The following PDE6D variants were observed in gnomAD, a reference collection of about 807,000 sequenced individuals.
PDE6D encodes the protein phosphodiesterase 6D, also known as retinal rod rhodopsin-sensitive cGMP 3',5'-cyclic phosphodiesterase subunit delta.
In PDE6D, 10 loss-of-function variants were observed where a neutral mutation model predicts 21.9. The ratio of observed to expected loss-of-function variants is 0.46; its 90% confidence interval spans 0.28 to 0.78. The LOEUF (loss-of-function observed/expected upper bound fraction) is 0.78. Ranked by LOEUF, PDE6D falls within the 30% of genes least tolerant of loss-of-function variation. PDE6D has a pLI of 0.12. For missense variants in PDE6D, 139 were observed against 184.8 expected (o/e 0.75, Z 1.44); for synonymous variants, 59 against 63.5 (o/e 0.93, Z 0.34).
intron 1 of PDE6D, among the ~76,000 whole-genome samples, chr2:231,774,171 G>T (rs933216836): frequency 1.3e-5 from 2 of 151,996 alleles, no homozygotes; most frequent in African/African-American, 4.8e-5. Context: ...AAACTCAGGT[G>T]ATCCACCCAC....
chr2:231,767,150 T>C (rs772323108), intron 1 of PDE6D, among the ~76,000 whole-genome samples: 9 of 151,878 alleles, frequency 5.9e-5, no homozygotes, highest in Non-Finnish European at 1.2e-4. Context: ...TAAAAAACAA[T>C]CACTAAGGCT....
chr2:231,738,193 T>C (rs1186993044), intron 2 of PDE6D, 55 bp from the exon 3 acceptor site: 5 of 1,526,310 alleles, frequency 3.3e-6, no homozygotes, highest in Non-Finnish European at 4.4e-6. Flanking sequence ...CACAGGACTA[T>C]GATGCTTCAA....
chr2:231,759,885 AG>A (rs1202826893), intron 1 of PDE6D, among the ~76,000 whole-genome samples: 2 of 152,320 alleles, frequency 1.3e-5, no homozygotes, highest in East Asian at 1.9e-4. Context: ...ACTTCCAGGC[AG>A]GCTAGAGACA....
chr2:231,759,058 T>C (rs1375647768), intron 1 of PDE6D, among the ~76,000 whole-genome samples: 1 of 151,952 alleles, frequency 6.6e-6, no homozygotes, highest in African/African-American at 2.4e-5. Flanking sequence ...TGGCTCACGC[T>C]TGTAGTCCCA....
At chr2:231,744,683 T>A (rs967297313) in intron 1 of PDE6D, among the ~76,000 whole-genome samples, 1 of 152,278 alleles carries the variant, frequency 6.6e-6, no homozygotes, top group African/African-American at 2.4e-5. Context: ...TCTGCCTGCC[T>A]CGGCCTCCCA....
chr2:231,776,060 A>G (rs6437036), intron 1 of PDE6D, among the ~76,000 whole-genome samples: 42,774 of 152,036 alleles, frequency 0.28, 6,125 homozygotes, highest in Non-Finnish European at 0.31. Context: ...GACAAATGCT[A>G]GGTGCAGTGG....
rs1008155828 is a variant in PDE6D, at chr2:231,776,321, CAA to C, written c.50+4742_50+4743del. ...GGGTGACAAGAGCAAGACTCCGTCTCAAAAAAAAAAAAAAAAAAAAAAGAGTA... is the reference window on the plus strand; with the variant it reads ...GGGTGACAAGAGCAAGACTCCGTCTCAAAAAAAAAAAAAAAAAAAAGAGTA... On this transcript the variant is annotated intron_variant, in intron 1 of 4. Transcript: ENST00000287600. Among the ~76,000 whole-genome samples the C allele has an allele frequency of 1.9e-4, 10 of 54,048 alleles. No individual in the cohort carries two copies. In the East Asian group the frequency reaches 2.3e-3, roughly 12 times the overall value. The allele number at this position is 54,048 out of a possible 152,430, so 35.5% of individuals were successfully genotyped here. A position where few individuals can be genotyped will look rare whatever the true frequency, so the allele number is the denominator to read the frequency against.
intron 1 of PDE6D, among the ~76,000 whole-genome samples, chr2:231,763,192 T>C (rs1011482680): frequency 6.6e-6 from 1 of 152,194 alleles, no homozygotes; most frequent in African/African-American, 2.4e-5. Context: ...AGAGTATTTA[T>C]TAGTATTTAT....
chr2:231,762,513 G>A (rs994156538), intron 1 of PDE6D, among the ~76,000 whole-genome samples: 1 of 151,622 alleles, frequency 6.6e-6, no homozygotes, highest in Admixed American at 6.6e-5. Flanking sequence ...CCCAGCTAAT[G>A]TTTGTATTTT....
At chr2:231,770,695 G>A (rs2049008041) in intron 1 of PDE6D, among the ~76,000 whole-genome samples, 1 of 152,148 alleles carries the variant, frequency 6.6e-6, no homozygotes, top group African/African-American at 2.4e-5. Flanking sequence ...GCTCACACCT[G>A]TAATCCCAGC....
chr2:231,751,850 T>C (rs554165737), intron 1 of PDE6D, among the ~76,000 whole-genome samples: 2 of 152,318 alleles, frequency 1.3e-5, no homozygotes, highest in South Asian at 2.1e-4. Context: ...GTTTCTTCCA[T>C]TGTGAAGTTA....
At chr2:231,780,291 G>C (rs901589713) in intron 1 of PDE6D, among the ~76,000 whole-genome samples, 1 of 152,164 alleles carries the variant, frequency 6.6e-6, no homozygotes, top group African/African-American at 2.4e-5. Context: ...ACCGACAGGA[G>C]CGAGCAAAGA....
intron 1 of PDE6D, among the ~76,000 whole-genome samples, chr2:231,780,096 A>G (rs1022196168): frequency 2.0e-5 from 3 of 152,170 alleles, no homozygotes; most frequent in Admixed American, 6.5e-5. Flanking sequence ...GCATTTTTTC[A>G]TCTGCATCAT....
At chr2:231,746,677 G>C (rs1385778367) in intron 1 of PDE6D, among the ~76,000 whole-genome samples, 1 of 152,128 alleles carries the variant, frequency 6.6e-6, no homozygotes, top group Non-Finnish European at 1.5e-5. Flanking sequence ...CCAGTTGAAG[G>C]AGGAAGAAAG....
At chr2:231,743,352 A>G (rs2048765438) in intron 1 of PDE6D, among the ~76,000 whole-genome samples, 1 of 143,032 alleles carries the variant, frequency 7.0e-6, no homozygotes, top group Non-Finnish European at 1.5e-5. Flanking sequence ...TGAACAGAGG[A>G]GGCGGAGGTT....
chr2:231,778,311 T>C (rs545842612), intron 1 of PDE6D, among the ~76,000 whole-genome samples: 10 of 152,116 alleles, frequency 6.6e-5, no homozygotes, highest in Non-Finnish European at 1.3e-4. Context: ...TTAAAAATTC[T>C]GTTCAACAAA....
At chr2:231,761,424 C>A (rs2048925711) in intron 1 of PDE6D, among the ~76,000 whole-genome samples, 1 of 152,242 alleles carries the variant, frequency 6.6e-6, no homozygotes, top group Non-Finnish European at 1.5e-5. Context: ...GATCCGCCTG[C>A]CTTGGCCTCC....
chr2:231,733,610 C>A (rs186888241), intron 4 of PDE6D, among the ~76,000 whole-genome samples: 17 of 152,306 alleles, frequency 1.1e-4, no homozygotes, highest in Non-Finnish European at 2.2e-4. Context: ...CAATCAGACT[C>A]TTTCTCTTGA....
chr2:231,767,603 C>A (rs767278279), intron 1 of PDE6D, among the ~76,000 whole-genome samples: 1 of 152,024 alleles, frequency 6.6e-6, no homozygotes, highest in Admixed American at 6.6e-5. Context: ...TGTGAGCCAC[C>A]GCACCCAACC....
Sources: allele counts gnomAD v4.1 joint callset (sites outside exome capture counted in the v4.1 genomes callset), GRCh38; gene constraint gnomAD v4.1.1; transcripts MANE v1.5; gene names NCBI Gene and HGNC (gene_info 2026-07-23, HGNC 2026-07-21).